BRIP1: variants seen among roughly 807,000 people sequenced by gnomAD.
BRIP1 encodes the protein BRCA1 interacting DNA helicase 1.
A neutral mutation model predicts 119.7 loss-of-function variants in BRIP1; 88 were observed. That is an observed-to-expected ratio of 0.74 (90% CI 0.62 to 0.88). BRIP1 has a LOEUF of 0.88. Ranked by LOEUF, BRIP1 falls within the 40% of genes least tolerant of loss-of-function variation. The pLI is 0.00. For synonymous variants in BRIP1, 443 were observed against 496.5 expected, an observed-to-expected ratio of 0.89 and a Z score of 1.43; for missense variants, 1,259 against 1,455.4, an observed-to-expected ratio of 0.87 and a Z score of 2.20.
At chr17:61,850,644 A>T (rs1215062017) in intron 4 of BRIP1, among the ~76,000 whole-genome samples, 1 of 149,840 alleles carries the variant, frequency 6.7e-6, no homozygotes, top group Non-Finnish European at 1.5e-5. Context: ...CCTGGGCAAC[A>T]TGGCGAAATC....
Position 61,724,632 on chromosome 17 carries a change from A to G in BRIP1, c.2380-8569T>C, listed in dbSNP as rs201108318. Among the ~76,000 whole-genome samples the G allele has an allele frequency of 6.6e-6, 1 of 152,314 alleles. No individual in the cohort carries two copies. Among genetic ancestry groups the G allele is most frequent in the South Asian group, 2.1e-4 (1 of 4,828 alleles). On this transcript the variant is annotated intron_variant, in intron 16 of 19. Coordinates refer to ENST00000259008, the MANE Select transcript of BRIP1 (RefSeq NM_032043.3). This position sits in a 1 kb window ranked among gnomAD's most constrained non-coding sequence, Gnocchi z 5.1. ...GTGGATTTTATCCCAACTCATACCA[A>G]TACATATTATGATTTCAGTAATAAA...
At chr17:61,707,559 T>G (rs1348940136) in intron 17 of BRIP1, among the ~76,000 whole-genome samples, 1 of 152,148 alleles carries the variant, frequency 6.6e-6, no homozygotes, top group Non-Finnish European at 1.5e-5. Context: ...CCTCTAATTT[T>G]CTAGTTCTTC....
In BRIP1 at chr17:61,744,921, C is replaced by CACTACT. The variant is rs148735095; in HGVS notation, c.2098-336_2098-331dup. Among the ~76,000 whole-genome samples the CACTACT allele has an allele frequency of 6.6e-6, 1 of 150,792 alleles. No homozygotes were observed. Among genetic ancestry groups the CACTACT allele is most frequent in the Non-Finnish European group, 1.5e-5 (1 of 67,738 alleles). ...TCTTGGCAATTTCTACCACCACCAC[C>CACTACT]ACTACTACTACTACTACTACTATCT... On this transcript the variant is annotated intron_variant, in intron 14 of 19. Coordinates refer to ENST00000259008, the MANE Select transcript of BRIP1 (RefSeq NM_032043.3). The surrounding 1 kb of genome is among the most constrained non-coding windows in gnomAD (Gnocchi z 5.0).
rs2378906 is a variant in BRIP1, at chr17:61,805,770, C to T, written c.918+2697G>A. ...ATACAGACTGAGTTTAATAATAGGA[C>T]ATTCACCATTTCTTCATTCCAAGCT... On this transcript the variant is annotated intron_variant, in intron 7 of 19. Transcript: ENST00000259008. The surrounding 1 kb of genome is among the most constrained non-coding windows in gnomAD (Gnocchi z 5.6). 0.79 allele frequency among the ~76,000 whole-genome samples: 120,444 copies of T among 152,110 alleles called. 48,295 individuals carry two copies. The highest frequency in any genetic ancestry group is 0.89 in the African/African-American group (36,986 of 41,522).
In BRIP1 at chr17:61,752,685, T is replaced by C. The variant is rs1374492016; in HGVS notation, c.2098-8094A>G. On this transcript the variant is annotated intron_variant, in intron 14 of 19. Coordinates refer to ENST00000259008, the MANE Select transcript of BRIP1 (RefSeq NM_032043.3). The surrounding 1 kb of genome is among the most constrained non-coding windows in gnomAD (Gnocchi z 6.2). ...CTGAATAGGCCAATCATCATACTTT[T>C]TCTTCATTAATCAGTGAGTTTAATA... is the stretch of plus-strand genomic sequence containing the variant. 1.3e-5 allele frequency among the ~76,000 whole-genome samples: 2 copies of C among 152,218 alleles called. No individual in the cohort carries two copies. Among genetic ancestry groups the C allele is most frequent in the South Asian group, 2.1e-4 (1 of 4,834 alleles).
intron 6 of BRIP1, among the ~76,000 whole-genome samples, chr17:61,838,281 G>C (rs976081382): frequency 1.3e-5 from 2 of 151,982 alleles, no homozygotes; most frequent in African/African-American, 2.4e-5. Context: ...TAGATATAAC[G>C]TATCTCCTGA....
chr17:61,835,542 C>T (rs778654942), intron 6 of BRIP1, among the ~76,000 whole-genome samples: 3 of 152,006 alleles, frequency 2.0e-5, no homozygotes, highest in Admixed American at 6.6e-5. Flanking sequence ...ATGCATGCTA[C>T]TTCAAAAACT....
intron 6 of BRIP1, among the ~76,000 whole-genome samples, chr17:61,840,562 A>G (rs1397236932): frequency 1.3e-5 from 2 of 152,148 alleles, no homozygotes; most frequent in Non-Finnish European, 2.9e-5. Flanking sequence ...GGATCGCTTA[A>G]GCCCAGGAGT....
chr17:61,738,006 T>G lies in BRIP1; in HGVS notation c.2379+5007A>C, dbSNP rs1173550820. ...TGACTTAACTGCTTACAGTTAAGCC[T>G]GCCCTCTTGTACTACTGCCATTGCA... On this transcript the variant is annotated intron_variant, in intron 16 of 19. Transcript: ENST00000259008. The surrounding 1 kb of genome is among the most constrained non-coding windows in gnomAD (Gnocchi z 4.2). 1.3e-5 allele frequency among the ~76,000 whole-genome samples: 2 copies of G among 152,226 alleles called. No individual in the cohort carries two copies. Among genetic ancestry groups the G allele is most frequent in the African/African-American group, 4.8e-5 (2 of 41,456 alleles).
In BRIP1 at chr17:61,748,532, A is replaced by G. The variant is rs2077088550; in HGVS notation, c.2098-3941T>C. Among the ~76,000 whole-genome samples the G allele has an allele frequency of 6.6e-6, 1 of 152,240 alleles. No individual in the cohort carries two copies. The highest frequency in any genetic ancestry group is 2.1e-4 in the South Asian group (1 of 4,830). On this transcript the variant is annotated intron_variant, in intron 14 of 19. Coordinates refer to ENST00000259008, the MANE Select transcript of BRIP1 (RefSeq NM_032043.3). This position sits in a 1 kb window ranked among gnomAD's most constrained non-coding sequence, Gnocchi z 4.7. ...ATCAAAACAATCTTGAGAAAGAACA[A>G]CAAAGCTAGAGGCATCGTGCTTCAT... is the stretch of plus-strand genomic sequence containing the variant.
Position 61,862,132 on chromosome 17 carries a change from G to A in BRIP1, c.-30-563C>T, listed in dbSNP as rs1225527024. Reference sequence around the variant, plus strand: ...TATACCAGGTTTTGGTATACTGCCTGGTATGTTATCTTTGACTCAGGTATG... The same window carrying A: ...TATACCAGGTTTTGGTATACTGCCTAGTATGTTATCTTTGACTCAGGTATG... On this transcript the variant is annotated intron_variant, in intron 1 of 19. Coordinates refer to ENST00000259008, the MANE Select transcript of BRIP1 (RefSeq NM_032043.3). The surrounding 1 kb of genome is among the most constrained non-coding windows in gnomAD (Gnocchi z 5.3). 1.3e-5 allele frequency: 2 copies of A among 154,738 alleles called. No individual in the cohort carries two copies. Among genetic ancestry groups the A allele is most frequent in the African/African-American group, 2.4e-5 (1 of 41,420 alleles). 9.6% of individuals were successfully genotyped at this position (154,738 alleles called of 1,614,324 possible).
In BRIP1 at chr17:61,808,696, G is replaced by A. The variant is rs759031349; in HGVS notation, c.689C>T (p.Ser230Leu). Reference protein sequence around the residue: ...STKQGNSQESSNTIKKDHTGK... With the variant: ...STKQGNSQESLNTIKKDHTGK... Reference sequence around the variant, plus strand: ...TGTATGATCCTTCTTAATGGTATTCGATGACTCTTGACTGTTTCCTTGTTT... The same window carrying A: ...TGTATGATCCTTCTTAATGGTATTCAATGACTCTTGACTGTTTCCTTGTTT... The change falls in exon 7 of 20, where the codon TCG (serine) becomes TTG (leucine). Residue 230 changes from serine to leucine, a missense_variant. Ser to Leu is a moderately radical substitution (Grantham distance 145). Coordinates refer to ENST00000259008, the MANE Select transcript of BRIP1 (RefSeq NM_032043.3). The surrounding 1 kb of genome is among the most constrained non-coding windows in gnomAD (Gnocchi z 4.1). 3.2e-5 allele frequency: 52 copies of A among 1,613,672 alleles called. No homozygotes were observed. In the Admixed American group the frequency reaches 7.5e-4, roughly 23 times the overall value.
chr17:61,746,735 AGAG>A lies in BRIP1; in HGVS notation c.2098-2147_2098-2145del, dbSNP rs1417566095. 6.6e-6 allele frequency among the ~76,000 whole-genome samples: 1 copy of A among 152,174 alleles called. No homozygotes were observed. The highest frequency in any genetic ancestry group is 2.4e-5 in the African/African-American group (1 of 41,456). On this transcript the variant is annotated intron_variant, in intron 14 of 19. Transcript: ENST00000259008. This position sits in a 1 kb window ranked among gnomAD's most constrained non-coding sequence, Gnocchi z 4.9. ...GAAGAGAGAAATAAACAGCAATATA[AGAG>A]GAGTAGGAAAGTCATATATCTAACC...
rs181508473 is a variant in BRIP1 at position 61,808,010 on chromosome 17, G to A, written c.918+457C>T. Among the ~76,000 whole-genome samples, 1 of 151,888 alleles carries A rather than the reference G, an allele frequency of 6.6e-6. No individual in the cohort carries two copies. ...TTGTATTTATCAGAATTATGAGGTG[G>A]GATAATCATTATATTTCTCATTCAA... is the stretch of plus-strand genomic sequence containing the variant. On this transcript the variant is annotated intron_variant, in intron 7 of 19. Transcript: ENST00000259008. The surrounding 1 kb of genome is among the most constrained non-coding windows in gnomAD (Gnocchi z 4.1).
At position 61,680,643 on chromosome 17, in the gene BRIP1, C is replaced by G. The variant is rs2061258767; in HGVS notation, c.*2653G>C. Among the ~76,000 whole-genome samples the G allele has an allele frequency of 6.6e-6, 1 of 151,768 alleles. No homozygotes were observed. The highest frequency in any genetic ancestry group is 1.5e-5 in the Non-Finnish European group (1 of 67,940). On this transcript the variant is annotated 3_prime_UTR_variant, in exon 20 of 20. Transcript: ENST00000259008. Reference sequence around the variant, plus strand: ...TACAGGCGCCCGCCACCACGCCTGGCTAATTTTTTGTATTTTTAGTAGAGA... The same window carrying G: ...TACAGGCGCCCGCCACCACGCCTGGGTAATTTTTTGTATTTTTAGTAGAGA...
At chr17:61,711,867 A>C (rs1375830623) in intron 17 of BRIP1, among the ~76,000 whole-genome samples, 3 of 149,014 alleles carry the variant, frequency 2.0e-5, no homozygotes, top group South Asian at 2.1e-4. Flanking sequence ...GACTCTCTCA[A>C]AAAAAAAATA....
Position 61,857,932 on chromosome 17 carries a change from A to C in BRIP1, c.206-701T>G, listed in dbSNP as rs184963150. Reference sequence around the variant, plus strand: ...ACTCTTTCCCTAAATGAAGAATTTGAAAGTTCAATATATTAGATAATAATC... The same window carrying C: ...ACTCTTTCCCTAAATGAAGAATTTGCAAGTTCAATATATTAGATAATAATC... On this transcript the variant is annotated intron_variant, in intron 3 of 19. Coordinates refer to ENST00000259008, the MANE Select transcript of BRIP1 (RefSeq NM_032043.3). The surrounding 1 kb of genome is among the most constrained non-coding windows in gnomAD (Gnocchi z 5.1). 2.0e-5 allele frequency among the ~76,000 whole-genome samples: 3 copies of C among 152,170 alleles called. No homozygotes were observed. Among genetic ancestry groups the C allele is most frequent in the South Asian group, 4.1e-4 (2 of 4,826 alleles).
rs1193726052 is a variant in BRIP1, at chr17:61,734,626, A to G, written c.2379+8387T>C. Among the ~76,000 whole-genome samples the G allele has an allele frequency of 1.1e-4, 16 of 152,134 alleles. No homozygotes were observed. Among genetic ancestry groups the G allele is most frequent in the Non-Finnish European group, 1.5e-4 (10 of 68,020 alleles). ...CTTGGCTCCAAAATGAAATTTTCCT[A>G]CCTCTACTTTCTAGTCCCTAAGGTG... On this transcript the variant is annotated intron_variant, in intron 16 of 19. Coordinates refer to ENST00000259008, the MANE Select transcript of BRIP1 (RefSeq NM_032043.3). The surrounding 1 kb of genome is among the most constrained non-coding windows in gnomAD (Gnocchi z 5.2).
rs1470139098 is a variant in BRIP1, at chr17:61,863,403, C to T, written c.-150G>A. On this transcript the variant is annotated 5_prime_UTR_variant, in exon 1 of 20. Transcript: ENST00000259008. ...TGGAAGAGAAGAAAGGGCACGAGCCCTTCCTCCTCCCTCTTCCTGGGGGTG... is the reference window on the plus strand; with the variant it reads ...TGGAAGAGAAGAAAGGGCACGAGCCTTTCCTCCTCCCTCTTCCTGGGGGTG... The T allele has an allele frequency of 6.6e-6, 1 of 152,280 alleles. No individual in the cohort carries two copies. The highest frequency in any genetic ancestry group is 6.5e-5 in the Admixed American group (1 of 15,288). 9.4% of individuals were successfully genotyped at this position (152,280 alleles called of 1,614,324 possible). A position where few individuals can be genotyped will look rare whatever the true frequency, so the allele number is the denominator to read the frequency against.
Sources: allele counts gnomAD v4.1 joint callset (sites outside exome capture counted in the v4.1 genomes callset), GRCh38; gene constraint gnomAD v4.1.1; non-coding constraint Gnocchi (gnomAD v3.1); transcripts MANE v1.5; gene names NCBI Gene and HGNC (gene_info 2026-07-23, HGNC 2026-07-21).